Variants in ERI1 observed in about 807,000 individuals in gnomAD.
The protein encoded by ERI1 is exoribonuclease 1.
A neutral mutation model predicts 39.7 loss-of-function variants in ERI1; 39 were observed. The ratio of observed to expected loss-of-function variants is 0.98; its 90% confidence interval spans 0.76 to 1.28. The LOEUF (loss-of-function observed/expected upper bound fraction) is 1.28. Ranked by LOEUF, ERI1 falls within the 50% of genes most tolerant of loss-of-function variation. ERI1 has a pLI of 0.00. For synonymous variants in ERI1, 204 were observed against 149.6 expected (o/e 1.36, Z -2.65); for missense variants, 581 against 416.9 (o/e 1.39, Z -3.43).
At chr8:9,025,847 A>G (rs1818420513) in intron 6 of ERI1, among the ~76,000 whole-genome samples, 1 of 152,042 alleles carries the variant, frequency 6.6e-6, no homozygotes. Flanking sequence ...ATAATGAGAT[A>G]CCTTAGAGAT....
intron 1 of ERI1, chr8:9,004,223 T>A: frequency 2.4e-6 from 3 of 1,261,190 alleles, no homozygotes; most frequent in Non-Finnish European, 3.1e-6. Context: ...TACTTGCACA[T>A]CCCTTCTCTT....
At chr8:9,055,317 A>G (rs1282692948) in intron 3 of ERI1, among the ~76,000 whole-genome samples, 1 of 152,270 alleles carries the variant, frequency 6.6e-6, no homozygotes, top group Admixed American at 6.5e-5. Context: ...TTGAGGTTAT[A>G]GTTCATGATG....
chr8:9,029,604 T>G (rs943772466), intron 6 of ERI1, among the ~76,000 whole-genome samples, 188 bp from the exon 7 acceptor site: 4 of 152,240 alleles, frequency 2.6e-5, no homozygotes, highest in Non-Finnish European at 4.4e-5. Flanking sequence ...GTGCTGAGAT[T>G]ACAGGCGTGA....
At chr8:9,036,588 A>G (rs956139067), downstream of ERI1, among the ~76,000 whole-genome samples, 1 of 152,216 alleles carries the variant, frequency 6.6e-6, no homozygotes, top group Non-Finnish European at 1.5e-5. Flanking sequence ...GAGTTGCTTC[A>G]TTGTGATACT....
At chr8:9,039,550 T>G (rs1479782925) in intron 3 of ERI1, among the ~76,000 whole-genome samples, 1 of 152,168 alleles carries the variant, frequency 6.6e-6, no homozygotes, top group African/African-American at 2.4e-5. Flanking sequence ...TTATAACAAG[T>G]CGCAGTCATC....
chr8:9,020,323 A>G (rs1259602659), intron 5 of ERI1, 27 bp from the exon 6 acceptor site: 5 of 1,312,326 alleles, frequency 3.8e-6, no homozygotes, highest in Non-Finnish European at 5.3e-6. Flanking sequence ...TTATTTCATC[A>G]ATTTTTTGTC....
Position 9,009,096 on chromosome 8 carries a change from C to T in ERI1, c.287+948C>T, listed in dbSNP as rs1285402741. On this transcript the variant is annotated intron_variant, in intron 2 of 6. Coordinates refer to ENST00000250263, the MANE Select transcript of ERI1 (RefSeq NM_153332.4). ...TTTTGTCCTTCCCAGGTGTGAAGAT[C>T]AGTTGCTTACTCCTGGCTTGCGTGG... 2.0e-5 allele frequency: 9 copies of T among 456,122 alleles called. No homozygotes were observed. The East Asian group carries it at 6.2e-4, about 32-fold the overall frequency. 28.3% of individuals were successfully genotyped at this position (456,122 alleles called of 1,614,324 possible). A position where few individuals can be genotyped will look rare whatever the true frequency, so the allele number is the denominator to read the frequency against.
At chr8:9,027,241 A>G (rs919122821) in intron 6 of ERI1, among the ~76,000 whole-genome samples, 26 of 150,748 alleles carry the variant, frequency 1.7e-4, no homozygotes, top group African/African-American at 6.4e-4. Context: ...TATTTCCCTA[A>G]TGATTAGTGA....
chr8:9,070,362 C>T (rs1054006592), intron 3 of ERI1, among the ~76,000 whole-genome samples: 3 of 152,150 alleles, frequency 2.0e-5, no homozygotes, highest in African/African-American at 7.2e-5. Context: ...GTGGCTCCCA[C>T]ATATAATCCT....
intron 3 of ERI1, among the ~76,000 whole-genome samples, chr8:9,068,888 C>T (rs112532543): frequency 3.5e-4 from 53 of 152,256 alleles, no homozygotes; most frequent in African/African-American, 1.2e-3. Context: ...GCAGTCATGG[C>T]TGACTGCAGC....
chr8:9,062,273 A>C (rs1412796810), intron 3 of ERI1, among the ~76,000 whole-genome samples: 1 of 152,106 alleles, frequency 6.6e-6, no homozygotes, highest in South Asian at 2.1e-4. Context: ...GAGGTATCTT[A>C]TACTTGTGGG....
chr8:9,009,526 A>G (rs1219856828), intron 2 of ERI1, among the ~76,000 whole-genome samples: 1 of 152,142 alleles, frequency 6.6e-6, no homozygotes, highest in Non-Finnish European at 1.5e-5. Context: ...ATAAAAGTGT[A>G]TTGAGAACAT....
rs1797458860 is a variant in ERI1 at position 9,029,829 on chromosome 8, A to T, written c.845A>T (p.Glu282Val). The change falls in exon 7 of 7, where the codon GAA (glutamate) becomes GTA (valine). Residue 282 changes from glutamate (E) to valine (V), a missense_variant. Transcript: ENST00000250263. ...CAAACCAAACTGACAATAATGCTTGAAAAATTAGGAATGGATTATGATGGG... is the reference window on the plus strand; with the variant it reads ...CAAACCAAACTGACAATAATGCTTGTAAAATTAGGAATGGATTATGATGGG... ...RSQTKLTIML[E>V]KLGMDYDGRP... 1 of 1,614,080 alleles carries T rather than the reference A, an allele frequency of 6.2e-7. No individual in the cohort carries two copies. Among genetic ancestry groups the T allele is most frequent in the Non-Finnish European group, 8.5e-7 (1 of 1,180,034 alleles).
At chr8:9,089,956 G>A (rs988822991) in intron 3 of ERI1, among the ~76,000 whole-genome samples, 2 of 152,050 alleles carry the variant, frequency 1.3e-5, no homozygotes, top group South Asian at 2.1e-4. Context: ...CTCCTGACTC[G>A]ACCGTTGGCA....
chr8:9,005,647 T>C (rs1285944126), intron 1 of ERI1, among the ~76,000 whole-genome samples: 1 of 151,298 alleles, frequency 6.6e-6, no homozygotes, highest in East Asian at 1.9e-4. Flanking sequence ...CCTGAGTAGC[T>C]GGGACTACAG....
At chr8:9,035,802 C>G (rs1423656143), downstream of ERI1, among the ~76,000 whole-genome samples, 1 of 152,186 alleles carries the variant, frequency 6.6e-6, no homozygotes, top group Non-Finnish European at 1.5e-5. Context: ...TAGGCAAAGT[C>G]AGTTGAAAAC....
chr8:9,008,859 C>G (rs541919788), intron 2 of ERI1, among the ~76,000 whole-genome samples: 8 of 152,292 alleles, frequency 5.3e-5, no homozygotes, highest in African/African-American at 1.9e-4. Flanking sequence ...GGTAAAAACT[C>G]TTCCTTTTTC....
chr8:9,021,974 C>T (rs1195886569), intron 6 of ERI1, among the ~76,000 whole-genome samples: 4 of 151,064 alleles, frequency 2.6e-5, no homozygotes. Flanking sequence ...TGTGCATGTC[C>T]CCTGGTGTCT....
chr8:9,003,943 A>C (rs1815664057), intron 1 of ERI1: 1 of 522,426 alleles, frequency 1.9e-6, no homozygotes, highest in East Asian at 6.9e-5. Flanking sequence ...TGGCAGCTAG[A>C]ATGAGCTTTT....
Sources: gnomAD v4.1 joint callset for allele counts (sites outside exome capture counted in the v4.1 genomes callset) on GRCh38, gnomAD v4.1.1 for gene constraint, MANE v1.5 for transcripts, NCBI Gene and HGNC (gene_info 2026-07-23, HGNC 2026-07-21) for gene names.